Variants in FUT8 observed in about 807,000 individuals in gnomAD.
FUT8 encodes the protein fucosyltransferase 8, also known as alpha-(1,6)-fucosyltransferase.
In FUT8, 29 loss-of-function variants were observed where a neutral mutation model predicts 71.3. The observed-to-expected ratio is 0.41, with a 90% CI of 0.30 to 0.55. The LOEUF (loss-of-function observed/expected upper bound fraction) is 0.55, where lower values mean the gene tolerates loss of function less well. Ranked by LOEUF, FUT8 falls within the 20% of genes least tolerant of loss-of-function variation. The probability of loss-of-function intolerance (pLI) is 0.34; values close to 1 mark genes in which losing one functional copy is unlikely to be tolerated. For missense variants in FUT8, 544 were observed against 702.1 expected (o/e 0.77, Z 2.55); for synonymous variants, 254 against 239.3 (o/e 1.06, Z -0.57).
At chr14:65,479,541 C>T (rs1484878984) in intron 2 of FUT8, among the ~76,000 whole-genome samples, 1 of 151,554 alleles carries the variant, frequency 6.6e-6, no homozygotes, top group Non-Finnish European at 1.5e-5. Context: ...TGCATTTCTT[C>T]CTCCCTCCTT....
At chr14:65,538,513 A>G (rs773565218) in intron 2 of FUT8, among the ~76,000 whole-genome samples, 5 of 152,098 alleles carry the variant, frequency 3.3e-5, no homozygotes, top group Non-Finnish European at 4.4e-5. Flanking sequence ...TCGACCATCT[A>G]TGGCTCCTGG....
intron 5 of FUT8, among the ~76,000 whole-genome samples, chr14:65,625,101 A>G (rs905213507): frequency 1.3e-5 from 2 of 152,032 alleles, no homozygotes; most frequent in African/African-American, 4.8e-5. Context: ...AAATAAATGT[A>G]AAGTTGAGAC....
chr14:65,555,022 G>A (rs1885514113), intron 2 of FUT8, among the ~76,000 whole-genome samples: 1 of 152,070 alleles, frequency 6.6e-6, no homozygotes, highest in African/African-American at 2.4e-5. Context: ...TTCTATAACT[G>A]GAGTCAGTAG....
At chr14:65,587,537 T>G (rs1264621230) in intron 3 of FUT8, among the ~76,000 whole-genome samples, 1 of 152,104 alleles carries the variant, frequency 6.6e-6, no homozygotes, top group Non-Finnish European at 1.5e-5. Flanking sequence ...GGCTGAAAAA[T>G]TTTACCAAGA....
intron 7 of FUT8, among the ~76,000 whole-genome samples, chr14:65,711,994 TA>T (rs2139315865): frequency 6.6e-6 from 1 of 152,360 alleles, no homozygotes; most frequent in African/African-American, 2.4e-5. Flanking sequence ...GAATACATTT[TA>T]AACATATTCT....
chr14:65,504,006 C>A (rs1274188084), intron 2 of FUT8, among the ~76,000 whole-genome samples: 1 of 152,118 alleles, frequency 6.6e-6, no homozygotes, highest in Non-Finnish European at 1.5e-5. Flanking sequence ...GGCTGATTGC[C>A]GCAGTTGGAT....
At chr14:65,527,435 C>G (rs1417754175) in intron 2 of FUT8, among the ~76,000 whole-genome samples, 1 of 152,188 alleles carries the variant, frequency 6.6e-6, no homozygotes, top group African/African-American at 2.4e-5. Context: ...AAGGACTTCT[C>G]TACACTGGTT....
intron 3 of FUT8, among the ~76,000 whole-genome samples, chr14:65,566,420 A>G (rs185730806): frequency 9.2e-5 from 14 of 152,122 alleles, no homozygotes; most frequent in Non-Finnish European, 2.1e-4. Flanking sequence ...CGTTCTCACC[A>G]CAGAAGGGAA....
rs553404729 is a variant in FUT8, at chr14:65,743,940, A to G, written c.*1530A>G. On this transcript the variant is annotated 3_prime_UTR_variant, in exon 11 of 11. Coordinates refer to ENST00000673929, the MANE Select transcript of FUT8 (RefSeq NM_001371533.1). ...ATTAGGGATCCTAGGCAGAAGAGCT[A>G]TTAGTCCTGGCCTTCATATCTTCAC... The G allele has an allele frequency of 1.3e-5, 2 of 151,878 alleles. No individual in the cohort carries two copies. Among genetic ancestry groups the G allele is most frequent in the Non-Finnish European group, 2.9e-5 (2 of 67,870 alleles). The allele number at this position is 151,878 out of a possible 1,614,324, so 9.4% of individuals were successfully genotyped here.
chr14:65,725,949 T>C (rs1895662275), intron 9 of FUT8, among the ~76,000 whole-genome samples: 1 of 152,230 alleles, frequency 6.6e-6, no homozygotes, highest in African/African-American at 2.4e-5. Flanking sequence ...GCAAATTGCC[T>C]TTTTTATTCA....
chr14:65,602,402 C>CACACACCCTAAGTAAT (rs1888347668), intron 3 of FUT8, among the ~76,000 whole-genome samples: 1 of 133,832 alleles, frequency 7.5e-6, no homozygotes, highest in Non-Finnish European at 1.6e-5. Context: ...CACACACACA[C>CACACACCCTAAGTAAT]AGTTTCTTTA....
At chr14:65,725,048 C>T (rs1349540534) in intron 9 of FUT8, among the ~76,000 whole-genome samples, 9 of 152,096 alleles carry the variant, frequency 5.9e-5, no homozygotes, top group South Asian at 2.1e-4. Context: ...AGGTGCTTAT[C>T]GTTTTGATTT....
intron 2 of FUT8, among the ~76,000 whole-genome samples, chr14:65,494,530 G>A (rs2066530300): frequency 6.6e-6 from 1 of 152,194 alleles, no homozygotes; most frequent in Non-Finnish European, 1.5e-5. Context: ...ATCTGGGGCT[G>A]CAAAGCATCG....
chr14:65,705,656 C>T (rs530439154), intron 7 of FUT8, among the ~76,000 whole-genome samples: 16 of 152,192 alleles, frequency 1.1e-4, no homozygotes, highest in African/African-American at 3.9e-4. Flanking sequence ...CATACAAATC[C>T]CTTGCTGTAA....
chr14:65,429,599 C>G (rs1037100708), intron 1 of FUT8, among the ~76,000 whole-genome samples: 1 of 152,080 alleles, frequency 6.6e-6, no homozygotes, highest in Non-Finnish European at 1.5e-5. Flanking sequence ...CATGGTGCCT[C>G]ATGCCTGTAA....
rs1889935803 is a variant in FUT8, at chr14:65,627,128, A to G, written c.483-2364A>G. Among the ~76,000 whole-genome samples the G allele has an allele frequency of 6.6e-6, 1 of 152,250 alleles. No individual in the cohort carries two copies. The highest frequency in any genetic ancestry group is 6.5e-5 in the Admixed American group (1 of 15,284). ...CTGATTTTAAATAACAAAAAACAAA[A>G]AAATAAAAGAAGCAACCAAAAAAAA... On this transcript the variant is annotated intron_variant, in intron 5 of 10. Coordinates refer to ENST00000673929, the MANE Select transcript of FUT8 (RefSeq NM_001371533.1). The surrounding 1 kb of genome is among the most constrained non-coding windows in gnomAD (Gnocchi z 4.0).
At chr14:65,612,240 AGTTAT>A (rs1441129774) in intron 3 of FUT8, among the ~76,000 whole-genome samples, 10 of 152,128 alleles carry the variant, frequency 6.6e-5, no homozygotes, top group Non-Finnish European at 1.0e-4. Flanking sequence ...TCTGGGATGT[AGTTAT>A]GTTATTTTAA....
At chr14:65,373,347 C>T in the FUT8 span, among the ~76,000 whole-genome samples, 2 of 151,254 alleles carry the variant, frequency 1.3e-5, no homozygotes, top group East Asian at 2.0e-4. Context: ...ACCCCAAACC[C>T]CAGGCTCCAC....
chr14:65,726,898 A>G (rs966022912), intron 9 of FUT8, among the ~76,000 whole-genome samples: 1 of 152,230 alleles, frequency 6.6e-6, no homozygotes, highest in Admixed American at 6.5e-5. Flanking sequence ...AAATACAGCC[A>G]TTACAAATGA....
Sources: gnomAD v4.1 joint callset for allele counts (sites outside exome capture counted in the v4.1 genomes callset) on GRCh38, gnomAD v4.1.1 for gene constraint, Gnocchi (gnomAD v3.1) non-coding constraint, MANE v1.5 for transcripts, NCBI Gene and HGNC (gene_info 2026-07-23, HGNC 2026-07-21) for gene names.